Variants in NPNT observed in about 807,000 individuals in gnomAD.
NPNT encodes preosteoblast EGF-like repeat protein with MAM domain.
NPNT carries 45 observed loss-of-function variants against 68.6 expected under a neutral mutation model. That is an observed-to-expected ratio of 0.66 (90% CI 0.52 to 0.84). The LOEUF is 0.84. Among genes scored for constraint, NPNT ranks in the 40% least tolerant of loss-of-function variants. The pLI, the probability that NPNT is intolerant of heterozygous loss-of-function variation, is 0.00. For synonymous variants in NPNT, 233 were observed against 253.3 expected, an observed-to-expected ratio of 0.92 and a Z score of 0.76; for missense variants, 672 against 714.8, an observed-to-expected ratio of 0.94 and a Z score of 0.68.
intron 3 of NPNT, among the ~76,000 whole-genome samples, chr4:105,934,926 A>G (rs573146604): frequency 6.6e-5 from 10 of 152,214 alleles, no homozygotes; most frequent in Admixed American, 5.2e-4. Context: ...GAATACTACC[A>G]TAGCAATCCT....
intron 8 of NPNT, among the ~76,000 whole-genome samples, chr4:105,944,643 T>C (rs991450006): frequency 6.6e-6 from 1 of 152,206 alleles, no homozygotes; most frequent in African/African-American, 2.4e-5. Flanking sequence ...GAGTGTGATC[T>C]TAAAGACATG....
intron 8 of NPNT, among the ~76,000 whole-genome samples, chr4:105,951,255 T>A (rs1730813350): frequency 6.6e-6 from 1 of 152,210 alleles, no homozygotes; most frequent in Admixed American, 6.5e-5. Context: ...ATAATGTTAT[T>A]AATATGTATC....
At chr4:105,915,380 G>T (rs376382539) in intron 2 of NPNT, among the ~76,000 whole-genome samples, 1 of 151,928 alleles carries the variant, frequency 6.6e-6, no homozygotes, top group African/African-American at 2.4e-5. Flanking sequence ...GGGCAGTGGC[G>T]GGGGGGCACA....
chr4:105,929,149 T>C (rs1045934341), intron 3 of NPNT, among the ~76,000 whole-genome samples: 1 of 152,048 alleles, frequency 6.6e-6, no homozygotes, highest in Admixed American at 6.6e-5. Context: ...CCCCTCCCTG[T>C]GTCCGTGTGT....
intron 2 of NPNT, among the ~76,000 whole-genome samples, chr4:105,917,114 A>T (rs1321146823): frequency 6.6e-6 from 1 of 152,210 alleles, no homozygotes; most frequent in African/African-American, 2.4e-5. Context: ...TTGGCTGTTC[A>T]CAATTATGGG....
chr4:105,897,964 C>T lies in NPNT; in HGVS notation c.135C>T (p.Cys45=), dbSNP rs1726009732. The T allele has an allele frequency of 3.7e-6, 6 of 1,613,282 alleles. No homozygotes were observed. In the East Asian group the frequency reaches 1.3e-4, roughly 36 times the overall value. Residue 45 remains cysteine (C), a synonymous_variant, in exon 2 of 12, where the codon TGC becomes TGT. Coordinates refer to ENST00000379987, the MANE Select transcript of NPNT (RefSeq NM_001033047.3). ...LCRYGGRIDC[C]WGWARQSWGQ... is the part of the protein sequence containing the mutation. ...GTTATGGTGGGAGGATTGACTGCTG[C>T]TGGGGCTGGGCTCGCCAGTCTTGGG...
chr4:105,930,395 G>A (rs1265543685), intron 3 of NPNT, among the ~76,000 whole-genome samples: 1 of 152,196 alleles, frequency 6.6e-6, no homozygotes. Flanking sequence ...CCATAGACTT[G>A]AGGGCCCTGT....
At chr4:105,898,671 A>G (rs1052746608) in intron 2 of NPNT, among the ~76,000 whole-genome samples, 3 of 152,206 alleles carry the variant, frequency 2.0e-5, no homozygotes, top group Non-Finnish European at 4.4e-5. Context: ...ACCTCATGTA[A>G]TAAGTACCAA....
chr4:105,968,924 T>G lies in NPNT; in HGVS notation c.1632T>G (p.Gly544=). 1.9e-6 allele frequency: 3 copies of G among 1,613,064 alleles called. No individual in the cohort carries two copies. Among genetic ancestry groups the G allele is most frequent in the Non-Finnish European group, 2.5e-6 (3 of 1,179,164 alleles). The change falls in exon 12 of 12, where the codon GGT becomes GGG. Residue 544 remains glycine (G), a synonymous_variant. Transcript: ENST00000379987. ...SVVFKGEKRR[G]HTGEIGLDDV... ...TCTTCAAAGGTGAAAAAAGGCGTGG[T>G]CACACTGGGGAGATTGGATTAGATG... is the stretch of plus-strand genomic sequence containing the variant.
chr4:105,923,432 G>A (rs2149349026), intron 2 of NPNT, among the ~76,000 whole-genome samples: 2 of 152,146 alleles, frequency 1.3e-5, no homozygotes, highest in South Asian at 4.2e-4. Flanking sequence ...TGTATCAAAA[G>A]GAAACCTTTG....
chr4:105,898,070 C>A (rs973341691), intron 2 of NPNT, 69 bp downstream of exon 2: 10 of 1,047,776 alleles, frequency 9.5e-6, no homozygotes, highest in African/African-American at 1.6e-5. Context: ...ATGGCTTCAC[C>A]CCACATATCA....
chr4:105,931,798 C>T (rs375930878), intron 3 of NPNT, among the ~76,000 whole-genome samples: 15 of 151,866 alleles, frequency 9.9e-5, no homozygotes, highest in African/African-American at 3.4e-4. Context: ...CAAGATCGAG[C>T]GGCTGCACTC....
chr4:105,930,365 A>G lies in NPNT; in HGVS notation c.265+2937A>G, dbSNP rs1485206862. Among the ~76,000 whole-genome samples, 3 of 152,336 alleles carry G rather than the reference A, an allele frequency of 2.0e-5. No homozygotes were observed. In the East Asian group the frequency reaches 5.8e-4, roughly 29 times the overall value. On this transcript the variant is annotated intron_variant, in intron 3 of 11. Transcript: ENST00000379987. ...GGGTTCCACCAGTTCTTGGTACAGC[A>G]TCTTAGAGAGTCTCTGCATCCATAG...
chr4:105,898,783 T>C (rs1726167039), intron 2 of NPNT, among the ~76,000 whole-genome samples: 1 of 152,170 alleles, frequency 6.6e-6, no homozygotes, highest in Non-Finnish European at 1.5e-5. Context: ...AGGAAATTTG[T>C]CCCCAGCATT....
At chr4:105,908,312 T>C (rs1346344200) in intron 2 of NPNT, among the ~76,000 whole-genome samples, 1 of 152,072 alleles carries the variant, frequency 6.6e-6, no homozygotes, top group Non-Finnish European at 1.5e-5. Flanking sequence ...AACACTTCAT[T>C]TGATCAATAT....
intron 2 of NPNT, chr4:105,912,275 A>G: frequency 7.0e-7 from 1 of 1,435,870 alleles, no homozygotes; most frequent in Non-Finnish European, 9.5e-7. Flanking sequence ...ATTTTGGCTA[A>G]TCTATGTCTT....
At chr4:105,959,845 TG>T (rs1731561114) in intron 10 of NPNT, among the ~76,000 whole-genome samples, 1 of 150,404 alleles carries the variant, frequency 6.6e-6, no homozygotes. Context: ...AGTCTTGCTC[TG>T]TTGCCCAGGC....
chr4:105,953,257 G>T (rs1035553718), intron 8 of NPNT, among the ~76,000 whole-genome samples: 3 of 152,164 alleles, frequency 2.0e-5, no homozygotes, highest in African/African-American at 7.2e-5. Context: ...AGGAGAAATA[G>T]GTATGTCACA....
At chr4:105,945,287 T>C (rs1212217037) in intron 8 of NPNT, among the ~76,000 whole-genome samples, 1 of 152,198 alleles carries the variant, frequency 6.6e-6, no homozygotes. Context: ...ACTGTAAAGA[T>C]ATTCTAAAAG....
Sources: allele counts gnomAD v4.1 joint callset (sites outside exome capture counted in the v4.1 genomes callset), GRCh38; gene constraint gnomAD v4.1.1; transcripts MANE v1.5; gene names NCBI Gene and HGNC (gene_info 2026-07-23, HGNC 2026-07-21).